RNF212: variants seen among roughly 807,000 people sequenced by gnomAD.
RNF212 encodes the protein probable E3 SUMO-protein ligase RNF212.
Under a neutral mutation model 34.7 loss-of-function variants are expected in RNF212, and 33 were observed. The observed-to-expected ratio is 0.95, with a 90% CI of 0.72 to 1.27. The LOEUF (loss-of-function observed/expected upper bound fraction) is 1.27, where lower values mean the gene tolerates loss of function less well. Ranked by LOEUF, RNF212 falls within the 50% of genes most tolerant of loss-of-function variation. The pLI is 0.00. For synonymous variants in RNF212, 140 were observed against 136.1 expected, an observed-to-expected ratio of 1.03 and a Z score of -0.20; for missense variants, 377 against 362.2, an observed-to-expected ratio of 1.04 and a Z score of -0.33.
chr4:1,097,984 G>A (rs1723322355), intron 2 of RNF212, among the ~76,000 whole-genome samples: 2 of 152,048 alleles, frequency 1.3e-5, no homozygotes, highest in Admixed American at 6.6e-5. Flanking sequence ...AGAATCGCTT[G>A]AACCCGGGAG....
chr4:1,076,037 GAT>G (rs1369922807), intron 8 of RNF212, among the ~76,000 whole-genome samples: 2 of 152,216 alleles, frequency 1.3e-5, no homozygotes, highest in Non-Finnish European at 2.9e-5. Flanking sequence ...TTTTCAAAAA[GAT>G]ATGTTAATCC....
chr4:1,057,244 G>A (rs1051047435), intron 4 of RNF212, among the ~76,000 whole-genome samples: 5 of 152,172 alleles, frequency 3.3e-5, no homozygotes, highest in Admixed American at 1.3e-4. Flanking sequence ...AGGTGGGGGC[G>A]TGAGAGAACG....
chr4:1,068,812 T>C (rs1718254458), downstream of RNF212, among the ~76,000 whole-genome samples: 1 of 152,236 alleles, frequency 6.6e-6, no homozygotes, highest in South Asian at 2.1e-4. Flanking sequence ...GTTAATTTCA[T>C]TGGATACAGA....
intron 2 of RNF212, among the ~76,000 whole-genome samples, chr4:1,108,003 C>T (rs564499853): frequency 6.6e-6 from 1 of 152,278 alleles, no homozygotes; most frequent in Admixed American, 6.5e-5. Flanking sequence ...ACTTTATGAA[C>T]AACACTCTTA....
intron 8 of RNF212, 43 bp from the exon 9 acceptor site, chr4:1,073,705 G>GCAGAAGA (rs2153036865): frequency 7.1e-7 from 1 of 1,403,454 alleles, no homozygotes. Context: ...TTCCAATATT[G>GCAGAAGA]CGGCTTACGA....
chr4:1,086,295 C>G (rs610218), intron 4 of RNF212, among the ~76,000 whole-genome samples: 123,411 of 151,824 alleles, frequency 0.81, 50,898 homozygotes, highest in African/African-American at 0.95. Context: ...CCACTGCCAG[C>G]TCATCCCACG....
intron 2 of RNF212, 128 bp from the exon 3 acceptor site, chr4:1,096,967 G>A: frequency 2.7e-6 from 2 of 731,800 alleles, no homozygotes. Flanking sequence ...ATTGTGAATG[G>A]CCTCTCAGGG....
At chr4:1,056,585 T>C (rs1717341899) in intron 4 of RNF212, 2 of 683,538 alleles carry the variant, frequency 2.9e-6, no homozygotes, top group Admixed American at 6.3e-5. Flanking sequence ...ATGTGTATTT[T>C]AAAAAATTCA....
At chr4:1,061,594 G>A (rs1717753853) in intron 3 of RNF212, among the ~76,000 whole-genome samples, 1 of 152,174 alleles carries the variant, frequency 6.6e-6, no homozygotes, top group South Asian at 2.1e-4. Flanking sequence ...CAGATCATTG[G>A]CCATGGGGAG....
chr4:1,073,726 C>A, intron 8 of RNF212, 64 bp from the exon 9 acceptor site: 1 of 1,064,646 alleles, frequency 9.4e-7, no homozygotes, highest in East Asian at 2.4e-5. Context: ...GATTCGGACT[C>A]CCACTGTCTG....
In RNF212 at chr4:1,073,137, G is replaced by C; in HGVS notation, c.631C>G (p.Pro211Ala). Reference sequence around the variant, plus strand: ...GAAATGACACACTCTCCGGGCACAGGGGGCTTAGACAAGGTCAACCATGGG... The same window carrying C: ...GAAATGACACACTCTCCGGGCACAGCGGGCTTAGACAAGGTCAACCATGGG... ...FIPWLTLSKP[P>A]VPGECVISRG... Residue 211 changes from proline to alanine, a missense_variant, in exon 10 of 10, where the codon CCT (proline) becomes GCT (alanine). By Grantham distance (27) the Pro-to-Ala change is conservative (BLOSUM62 -1). Coordinates refer to ENST00000433731, the MANE Select transcript of RNF212 (RefSeq NM_001131034.4). The C allele has an allele frequency of 6.2e-7, 1 of 1,614,182 alleles. No homozygotes were observed. Among genetic ancestry groups the C allele is most frequent in the Non-Finnish European group, 8.5e-7 (1 of 1,180,038 alleles).
intron 2 of RNF212, among the ~76,000 whole-genome samples, chr4:1,103,251 G>C (rs1177246492): frequency 3.9e-5 from 6 of 152,168 alleles, no homozygotes; most frequent in African/African-American, 1.4e-4. Flanking sequence ...CAAATCCCTA[G>C]TTTAAAATCT....
downstream of RNF212, among the ~76,000 whole-genome samples, chr4:1,067,452 G>T (rs1014359627): frequency 1.3e-5 from 2 of 152,030 alleles, no homozygotes; most frequent in Non-Finnish European, 2.9e-5. Context: ...GTCTATCAGA[G>T]GCACATCATG....
At position 1,089,280 on chromosome 4, in the gene RNF212, G is replaced by C. The variant is rs193255340; in HGVS notation, c.303+1502C>G. Reference sequence around the variant, plus strand: ...AGCATGTCCTGGATGTGAGACATTGGGTAAAAGGATAAATTTAAGATTTAA... The same window carrying C: ...AGCATGTCCTGGATGTGAGACATTGCGTAAAAGGATAAATTTAAGATTTAA... On this transcript the variant is annotated intron_variant, in intron 4 of 9. Coordinates refer to ENST00000433731, the MANE Select transcript of RNF212 (RefSeq NM_001131034.4). Among the ~76,000 whole-genome samples, 240 of 152,302 alleles carry C rather than the reference G, an allele frequency of 1.6e-3. 3 individuals carry two copies. Among genetic ancestry groups the C allele is most frequent in the African/African-American group, 5.4e-3 (224 of 41,566 alleles).
rs769443890 is a variant in RNF212, at chr4:1,081,633, G to A, written c.363-14C>T. On this transcript the variant is annotated splice_polypyrimidine_tract_variant and intron_variant, in intron 5 of 9. Transcript: ENST00000433731. ...GATGATCTCATACTAAATAGATGGAGAAAAGGTATTGAATTAAATCATAAA... is the reference window on the plus strand; with the variant it reads ...GATGATCTCATACTAAATAGATGGAAAAAAGGTATTGAATTAAATCATAAA... 6.3e-7 allele frequency: 1 copy of A among 1,583,932 alleles called. No individual in the cohort carries two copies. Among genetic ancestry groups the A allele is most frequent in the Non-Finnish European group, 8.7e-7 (1 of 1,152,902 alleles).
At chr4:1,070,975 T>C (rs1718439495), downstream of RNF212, among the ~76,000 whole-genome samples, 1 of 151,962 alleles carries the variant, frequency 6.6e-6, no homozygotes, top group South Asian at 2.1e-4. Context: ...TTTTAAATAC[T>C]GTTCTTACAA....
At chr4:1,102,419 T>G (rs1470636986) in intron 2 of RNF212, among the ~76,000 whole-genome samples, 1 of 152,146 alleles carries the variant, frequency 6.6e-6, no homozygotes, top group Non-Finnish European at 1.5e-5. Flanking sequence ...TACTGTATTT[T>G]TGATCTGCAT....
At chr4:1,100,643 A>ATGAG (rs1723827998) in intron 2 of RNF212, 1 of 152,162 alleles carries the variant, frequency 6.6e-6, no homozygotes, top group African/African-American at 2.4e-5. Context: ...GCCTGACCTC[A>ATGAG]GGTGATCTGC....
At chr4:1,063,627 G>C (rs1352396254) in intron 3 of RNF212, among the ~76,000 whole-genome samples, 1 of 151,126 alleles carries the variant, frequency 6.6e-6, no homozygotes, top group African/African-American at 2.4e-5. Flanking sequence ...CTTGAACCCA[G>C]AGGTGGAGGT....
Sources: allele counts gnomAD v4.1 joint callset (sites outside exome capture counted in the v4.1 genomes callset), GRCh38; gene constraint gnomAD v4.1.1; transcripts MANE v1.5; gene names NCBI Gene and HGNC (gene_info 2026-07-23, HGNC 2026-07-21).